DAP: variants seen among roughly 807,000 people sequenced by gnomAD.
The protein encoded by DAP is death-associated protein 1.
A neutral mutation model predicts 13.8 loss-of-function variants in DAP; 8 were observed. The observed-to-expected ratio is 0.58, with a 90% CI of 0.34 to 1.05. The LOEUF (loss-of-function observed/expected upper bound fraction) is 1.05, where lower values mean the gene tolerates loss of function less well. DAP is among the 50% of genes least tolerant of loss of function. The pLI, the probability that DAP is intolerant of heterozygous loss-of-function variation, is 0.03. For missense variants in DAP, 106 were observed against 133.2 expected, an observed-to-expected ratio of 0.80 and a Z score of 1.01; for synonymous variants, 47 against 47.5, an observed-to-expected ratio of 0.99 and a Z score of 0.04.
intron 1 of DAP, among the ~76,000 whole-genome samples, chr5:10,759,075 T>C (rs980833276): frequency 2.0e-5 from 3 of 152,126 alleles, no homozygotes; most frequent in Admixed American, 2.0e-4. Context: ...TAAACCCAGC[T>C]ACTCGGGAGG....
intron 2 of DAP, among the ~76,000 whole-genome samples, chr5:10,722,776 C>T (rs1739188084): frequency 6.6e-6 from 1 of 152,062 alleles, no homozygotes; most frequent in South Asian, 2.1e-4. Flanking sequence ...ACACTTCACC[C>T]ACCAATAGCA....
chr5:10,701,748 G>T (rs1324113967), intron 2 of DAP, among the ~76,000 whole-genome samples: 1 of 152,132 alleles, frequency 6.6e-6, no homozygotes, highest in Non-Finnish European at 1.5e-5. Context: ...TCCCTGGGAC[G>T]GTCTGGGTTC....
At chr5:10,703,702 T>C (rs1171303603) in intron 2 of DAP, among the ~76,000 whole-genome samples, 2 of 152,254 alleles carry the variant, frequency 1.3e-5, no homozygotes, top group Non-Finnish European at 2.9e-5. Flanking sequence ...GCTCATAAAA[T>C]ACTGCTGGCT....
intron 2 of DAP, among the ~76,000 whole-genome samples, chr5:10,689,269 C>T (rs1317662668): frequency 6.6e-6 from 1 of 151,990 alleles, no homozygotes; most frequent in Non-Finnish European, 1.5e-5. Context: ...CATTTAGCAC[C>T]TCACTCCCAT....
chr5:10,727,911 C>T (rs555113859), intron 2 of DAP, among the ~76,000 whole-genome samples: 3 of 151,968 alleles, frequency 2.0e-5, no homozygotes, highest in South Asian at 2.1e-4. Context: ...ATTCCTGATA[C>T]GATGTAAATG....
At chr5:10,688,867 C>A (rs1288263985) in intron 2 of DAP, among the ~76,000 whole-genome samples, 1 of 151,884 alleles carries the variant, frequency 6.6e-6, no homozygotes. Flanking sequence ...GTGTTCCTGA[C>A]AGGCTCCTTG....
intron 2 of DAP, among the ~76,000 whole-genome samples, chr5:10,718,935 C>A (rs1196457267): frequency 6.6e-6 from 1 of 152,188 alleles, no homozygotes; most frequent in Non-Finnish European, 1.5e-5. Flanking sequence ...TCACACTGGT[C>A]CATTACATTG....
At chr5:10,714,888 G>A (rs1384573018) in intron 2 of DAP, among the ~76,000 whole-genome samples, 1 of 152,072 alleles carries the variant, frequency 6.6e-6, no homozygotes, top group African/African-American at 2.4e-5. Context: ...CTGCCTGATT[G>A]GAAGCTCCCT....
intron 2 of DAP, among the ~76,000 whole-genome samples, chr5:10,721,433 C>T (rs1307900467): frequency 1.3e-5 from 2 of 152,134 alleles, no homozygotes; most frequent in Non-Finnish European, 2.9e-5. Context: ...CTCTTATTAC[C>T]TTAAGTCAAC....
intron 2 of DAP, among the ~76,000 whole-genome samples, chr5:10,729,934 C>G (rs544547708): frequency 6.6e-6 from 1 of 152,376 alleles, no homozygotes; most frequent in African/African-American, 2.4e-5. Context: ...GGGACAGCTA[C>G]CCTAGCATCT....
At chr5:10,687,303 C>G (rs934646076) in intron 2 of DAP, among the ~76,000 whole-genome samples, 1 of 152,172 alleles carries the variant, frequency 6.6e-6, no homozygotes, top group African/African-American at 2.4e-5. Context: ...TTTTGACTTT[C>G]AAGTCTTATT....
At position 10,683,560 on chromosome 5, in the gene DAP, G is replaced by A; in HGVS notation, c.164C>T (p.Pro55Leu). The A allele has an allele frequency of 2.5e-6, 4 of 1,614,020 alleles. No homozygotes were observed. The highest frequency in any genetic ancestry group is 3.4e-6 in the Non-Finnish European group (4 of 1,179,976). The change falls in exon 3 of 4, where the codon CCC (proline) becomes CTC (leucine). Residue 55 changes from proline (P) to leucine (L), a missense_variant. By Grantham distance (98) the Pro-to-Leu change is moderately conservative. Transcript: ENST00000230895. ...GATGACCCCAGAGATGAACACAGTGGGTTTAGGTGGACTGGAAAAAAAGAA... is the reference window on the plus strand; with the variant it reads ...GATGACCCCAGAGATGAACACAGTGAGTTTAGGTGGACTGGAAAAAAAGAA... The part of the protein sequence containing the change: ...QEWESPSPPK[P>L]TVFISGVIAR...
At chr5:10,700,954 G>A (rs1200233645) in intron 2 of DAP, among the ~76,000 whole-genome samples, 1 of 152,244 alleles carries the variant, frequency 6.6e-6, no homozygotes, top group Non-Finnish European at 1.5e-5. Flanking sequence ...GAAAATCTGG[G>A]CCATGGGGCC....
At chr5:10,741,649 G>A (rs528620826) in intron 2 of DAP, among the ~76,000 whole-genome samples, 1 of 152,198 alleles carries the variant, frequency 6.6e-6, no homozygotes, top group Non-Finnish European at 1.5e-5. Flanking sequence ...TCTATAAAGG[G>A]CGAGATAATA....
rs150495885 is a variant in DAP, at chr5:10,715,851, T to C, written c.153-32280A>G. ...TGGCACTGAGGTATTTATTGCTTTC[T>C]TTGCATGTCAGCTTGTCACACGTAA... On this transcript the variant is annotated intron_variant, in intron 2 of 3. Coordinates refer to ENST00000230895, the MANE Select transcript of DAP (RefSeq NM_004394.3). Among the ~76,000 whole-genome samples, 43 of 152,360 alleles carry C rather than the reference T, an allele frequency of 2.8e-4. 1 individual carries two copies. The East Asian group carries it at 7.1e-3, about 25-fold the overall frequency.
intron 2 of DAP, among the ~76,000 whole-genome samples, chr5:10,702,105 G>A (rs976226397): frequency 6.6e-6 from 1 of 152,182 alleles, no homozygotes; most frequent in African/African-American, 2.4e-5. Flanking sequence ...CACAGCTTTA[G>A]GCTTCTGCAC....
At chr5:10,730,248 C>T (rs1171003189) in intron 2 of DAP, among the ~76,000 whole-genome samples, 1 of 152,218 alleles carries the variant, frequency 6.6e-6, no homozygotes, top group African/African-American at 2.4e-5. Context: ...ACAGACGAGG[C>T]ACTTACAGAC....
chr5:10,746,333 G>GTTTTTTT lies in DAP; in HGVS notation c.152+1835_152+1841dup, dbSNP rs558797485. 2.7e-4 allele frequency among the ~76,000 whole-genome samples: 37 copies of GTTTTTTT among 138,932 alleles called. 1 individual carries two copies. The highest frequency in any genetic ancestry group is 4.7e-5 in the Non-Finnish European group (3 of 64,136). 91.1% of individuals were successfully genotyped at this position (138,932 alleles called of 152,430 possible). On this transcript the variant is annotated intron_variant, in intron 2 of 3. Transcript: ENST00000230895. ...AAAATAATTCTAGCGTTTTTTTTTT[G>GTTTTTTT]TTTTTTTTTTTTTGAGACAAGAGTT...
chr5:10,754,862 C>A (rs936499471), intron 1 of DAP, among the ~76,000 whole-genome samples: 1 of 152,160 alleles, frequency 6.6e-6, no homozygotes, highest in Non-Finnish European at 1.5e-5. Flanking sequence ...CTGGGTCCTG[C>A]CCAATAGTAT....
Sources: gnomAD v4.1 joint callset for allele counts (sites outside exome capture counted in the v4.1 genomes callset) on GRCh38, gnomAD v4.1.1 for gene constraint, MANE v1.5 for transcripts, NCBI Gene and HGNC (gene_info 2026-07-23, HGNC 2026-07-21) for gene names.